The following SGCZ variants were observed in gnomAD, a reference collection of about 807,000 sequenced individuals.
SGCZ encodes the protein sarcoglycan zeta.
In SGCZ, 40 loss-of-function variants were observed where a neutral mutation model predicts 41.3. The ratio of observed to expected loss-of-function variants is 0.97; its 90% CI spans 0.75 to 1.26. The LOEUF (loss-of-function observed/expected upper bound fraction) is 1.26, where lower values mean the gene tolerates loss of function less well. SGCZ is among the 50% of genes most tolerant of loss of function. The probability of loss-of-function intolerance (pLI) is 0.00; values close to 1 mark genes in which losing one functional copy is unlikely to be tolerated. For synonymous variants in SGCZ, 206 were observed against 137.5 expected, an observed-to-expected ratio of 1.50 and a Z score of -3.49; for missense variants, 552 against 369.8, an observed-to-expected ratio of 1.49 and a Z score of -4.04.
chr8:14,244,895 G>C (rs1799031932), intron 3 of SGCZ, among the ~76,000 whole-genome samples: 1 of 151,934 alleles, frequency 6.6e-6, no homozygotes, highest in Non-Finnish European at 1.5e-5. Context: ...CTCTCTGTTT[G>C]TCTGTTATTG....
At chr8:14,742,033 A>G (rs1419270874) in intron 1 of SGCZ, among the ~76,000 whole-genome samples, 2 of 152,084 alleles carry the variant, frequency 1.3e-5, no homozygotes, top group East Asian at 1.9e-4. Context: ...TTGATTTGTA[A>G]TTACAATAGT....
intron 1 of SGCZ, among the ~76,000 whole-genome samples, chr8:14,969,789 T>A (rs1050526941): frequency 6.6e-6 from 1 of 152,094 alleles, no homozygotes; most frequent in African/African-American, 2.4e-5. Flanking sequence ...ATTCACCTGT[T>A]GATGGACATA....
chr8:14,813,644 A>T (rs1405840625), intron 1 of SGCZ, among the ~76,000 whole-genome samples: 1 of 152,128 alleles, frequency 6.6e-6, no homozygotes, highest in African/African-American at 2.4e-5. Context: ...TATGTCACCT[A>T]TAAACTTAAA....
rs942911303 is a variant in SGCZ, at chr8:14,766,337, A to G, written c.40-211411T>C. Among the ~76,000 whole-genome samples, 8 of 152,228 alleles carry G rather than the reference A, an allele frequency of 5.3e-5. No homozygotes were observed. In the East Asian group the frequency reaches 1.5e-3, roughly 29 times the overall value. On this transcript the variant is annotated intron_variant, in intron 1 of 7. Coordinates refer to ENST00000382080, the MANE Select transcript of SGCZ (RefSeq NM_139167.4). ...ATATATTATAAGGTTGACTTGGGGTATAGTTTAGCCAGATTGTATATAATT... is the reference window on the plus strand; with the variant it reads ...ATATATTATAAGGTTGACTTGGGGTGTAGTTTAGCCAGATTGTATATAATT...
chr8:14,453,264 G>C (rs746778997), intron 2 of SGCZ, among the ~76,000 whole-genome samples: 5 of 152,060 alleles, frequency 3.3e-5, no homozygotes, highest in Admixed American at 6.6e-5. Flanking sequence ...TATGTCTGAA[G>C]CTCTGTCTAA....
chr8:14,233,085 A>C (rs1806630350), intron 4 of SGCZ, among the ~76,000 whole-genome samples: 1 of 152,046 alleles, frequency 6.6e-6, no homozygotes, highest in Admixed American at 6.6e-5. Context: ...AAAACGAACA[A>C]ATAAACAAAC....
At chr8:14,365,499 G>A (rs1310536326) in intron 2 of SGCZ, among the ~76,000 whole-genome samples, 2 of 151,978 alleles carry the variant, frequency 1.3e-5, no homozygotes, top group East Asian at 3.9e-4. Context: ...TTTCCATGAT[G>A]CAAACTTTTA....
At chr8:14,776,587 G>A (rs1230161559) in intron 1 of SGCZ, among the ~76,000 whole-genome samples, 3 of 134,316 alleles carry the variant, frequency 2.2e-5, no homozygotes, top group East Asian at 2.2e-4. Context: ...TCAGCCTCCC[G>A]GGTTCAGGCC....
intron 1 of SGCZ, among the ~76,000 whole-genome samples, chr8:14,759,925 G>T (rs1799807888): frequency 6.6e-6 from 1 of 152,070 alleles, no homozygotes; most frequent in African/African-American, 2.4e-5. Flanking sequence ...ACTTGGCTCT[G>T]GGACAAATTT....
chr8:14,359,399 C>T (rs530503739), intron 2 of SGCZ, among the ~76,000 whole-genome samples: 5 of 152,056 alleles, frequency 3.3e-5, no homozygotes, highest in Admixed American at 6.6e-5. Context: ...ATGTACAAAA[C>T]GTTTCATCCA....
intron 4 of SGCZ, among the ~76,000 whole-genome samples, chr8:14,180,825 G>T (rs1026778418): frequency 6.6e-6 from 1 of 151,852 alleles, no homozygotes; most frequent in African/African-American, 2.4e-5. Context: ...GCCAAGTGGC[G>T]ATGGCTATGT....
intron 1 of SGCZ, among the ~76,000 whole-genome samples, chr8:14,831,282 T>C (rs1271538279): frequency 1.3e-5 from 2 of 152,188 alleles, no homozygotes; most frequent in Non-Finnish European, 2.9e-5. Flanking sequence ...AAGGTGTTCT[T>C]TGATATAGTA....
chr8:14,216,023 C>T (rs185067376), intron 4 of SGCZ, among the ~76,000 whole-genome samples: 14 of 152,320 alleles, frequency 9.2e-5, no homozygotes, highest in East Asian at 7.7e-4. Context: ...TCAACAAACC[C>T]GCCCTCCAGG....
intron 5 of SGCZ, among the ~76,000 whole-genome samples, chr8:14,151,325 T>G (rs1803702402): frequency 1.3e-5 from 2 of 152,094 alleles, no homozygotes; most frequent in South Asian, 4.2e-4. Flanking sequence ...AATTAAAAAT[T>G]AAAAAATTAA....
intron 3 of SGCZ, among the ~76,000 whole-genome samples, chr8:14,266,699 A>C (rs1799879985): frequency 6.6e-6 from 1 of 152,136 alleles, no homozygotes; most frequent in African/African-American, 2.4e-5. Flanking sequence ...TCCTAAGCAA[A>C]GATAAGGAGT....
chr8:14,797,815 T>A (rs1297846205), intron 1 of SGCZ, among the ~76,000 whole-genome samples: 1 of 152,190 alleles, frequency 6.6e-6, no homozygotes, highest in East Asian at 1.9e-4. Context: ...GCATCCCAGC[T>A]GCCCCAGCCA....
chr8:14,819,518 T>A (rs918936911), intron 1 of SGCZ, among the ~76,000 whole-genome samples: 5 of 152,138 alleles, frequency 3.3e-5, no homozygotes, highest in African/African-American at 1.2e-4. Flanking sequence ...AGAAGGATAA[T>A]TATCACAAAA....
chr8:15,184,869 C>T (rs17472288), intron 1 of SGCZ, among the ~76,000 whole-genome samples: 10,024 of 152,160 alleles, frequency 0.066, 364 homozygotes, highest in Non-Finnish European at 0.07. Context: ...CACGCGTTCC[C>T]TTTGTATTCA....
At chr8:14,635,787 G>C (rs964069115) in intron 1 of SGCZ, among the ~76,000 whole-genome samples, 2 of 151,672 alleles carry the variant, frequency 1.3e-5, no homozygotes, top group African/African-American at 2.4e-5. Flanking sequence ...ACATATCCCT[G>C]GATGTTAAGT....
Sources: allele counts gnomAD v4.1 joint callset (sites outside exome capture counted in the v4.1 genomes callset), GRCh38; gene constraint gnomAD v4.1.1; transcripts MANE v1.5; gene names NCBI Gene and HGNC (gene_info 2026-07-23, HGNC 2026-07-21).